The following MEF2A variants were observed in gnomAD, a reference collection of about 807,000 sequenced individuals.
MEF2A encodes myocyte enhancer factor 2A, also known as myocyte-specific enhancer factor 2A.
In MEF2A, 28 loss-of-function variants were observed where a neutral mutation model predicts 55.8. That is an observed-to-expected ratio of 0.50 (90% CI 0.37 to 0.69). The LOEUF (loss-of-function observed/expected upper bound fraction) is 0.69. Among genes scored for constraint, MEF2A ranks in the 30% least tolerant of loss-of-function variants. The pLI, the probability that MEF2A is intolerant of heterozygous loss-of-function variation, is 0.00. For missense variants in MEF2A, 528 were observed against 626.2 expected (o/e 0.84, Z 1.67); for synonymous variants, 239 against 227.1 (o/e 1.05, Z -0.47).
chr15:99,632,283 G>A (rs888216336), intron 2 of MEF2A, among the ~76,000 whole-genome samples: 7 of 152,288 alleles, frequency 4.6e-5, no homozygotes, highest in African/African-American at 1.2e-4. Context: ...GACTGATAAG[G>A]AGGTGTTCAT....
intron 8 of MEF2A, among the ~76,000 whole-genome samples, chr15:99,700,364 TA>T (rs2057239109): frequency 2.0e-5 from 3 of 150,810 alleles, no homozygotes; most frequent in Non-Finnish European, 4.4e-5. Flanking sequence ...ATACAAAAAT[TA>T]GTCGAGTGTG....
chr15:99,666,838 C>T (rs565421294), intron 4 of MEF2A, among the ~76,000 whole-genome samples: 2 of 152,070 alleles, frequency 1.3e-5, no homozygotes, highest in South Asian at 2.1e-4. Context: ...CATTTTAGAT[C>T]TTAATAGCTT....
chr15:99,604,496 A>C (rs1419177394), intron 2 of MEF2A, among the ~76,000 whole-genome samples: 1 of 151,078 alleles, frequency 6.6e-6, no homozygotes, highest in Non-Finnish European at 1.5e-5. Flanking sequence ...TATTCTCTTC[A>C]TGTTCTTATT....
intron 3 of MEF2A, among the ~76,000 whole-genome samples, chr15:99,644,350 A>T (rs1234623411): frequency 4.6e-5 from 7 of 152,256 alleles, no homozygotes; most frequent in Non-Finnish European, 1.0e-4. Flanking sequence ...TAGGAAATAG[A>T]CTGAAAAAAT....
intron 2 of MEF2A, among the ~76,000 whole-genome samples, chr15:99,601,586 A>G (rs1260932466): frequency 6.9e-6 from 1 of 144,894 alleles, no homozygotes; most frequent in Non-Finnish European, 1.5e-5. Flanking sequence ...ATCTATTAAT[A>G]TGGTCACCTA....
intron 7 of MEF2A, among the ~76,000 whole-genome samples, chr15:99,677,251 A>G (rs2052313738): frequency 6.6e-6 from 1 of 152,180 alleles, no homozygotes; most frequent in Non-Finnish European, 1.5e-5. Flanking sequence ...AAATAAACAA[A>G]CAATGGAATC....
At chr15:99,690,465 C>A in intron 8 of MEF2A, 37 bp downstream of exon 8, 1 of 1,533,314 alleles carries the variant, frequency 6.5e-7, no homozygotes, top group Non-Finnish European at 8.8e-7. Context: ...TTCTTTAAAA[C>A]ACATATTTTA....
chr15:99,670,584 T>C (rs1288095344), intron 4 of MEF2A, among the ~76,000 whole-genome samples: 2 of 151,806 alleles, frequency 1.3e-5, no homozygotes, highest in African/African-American at 2.4e-5. Flanking sequence ...CACTCCATCC[T>C]GGGCGACAGA....
rs879773468 is a variant in MEF2A, at chr15:99,716,133, T to C, written c.*3362T>C. 1.9e-5 allele frequency: 3 copies of C among 158,148 alleles called. No homozygotes were observed. Among genetic ancestry groups the C allele is most frequent in the Non-Finnish European group, 4.2e-5 (3 of 71,504 alleles). 9.8% of individuals were successfully genotyped at this position (158,148 alleles called of 1,614,324 possible). ...AACTTCTATTTCTCTGTAGAAACTT[T>C]CTTCACTTTGCTGTGCAAGAAGACA... On this transcript the variant is annotated 3_prime_UTR_variant, in exon 12 of 12. Coordinates refer to ENST00000557942, the MANE Select transcript of MEF2A (RefSeq NM_001319206.4).
intron 1 of MEF2A, among the ~76,000 whole-genome samples, chr15:99,578,766 A>G (rs1274904163): frequency 6.6e-6 from 1 of 152,252 alleles, no homozygotes; most frequent in Admixed American, 6.5e-5. Context: ...CGTGTGATCA[A>G]TGAAGTTAGA....
chr15:99,679,789 A>G (rs2052864081), intron 7 of MEF2A, among the ~76,000 whole-genome samples: 1 of 152,226 alleles, frequency 6.6e-6, no homozygotes, highest in South Asian at 2.1e-4. Flanking sequence ...TTTTGAAAAT[A>G]AAAGAATACA....
chr15:99,593,981 G>T (rs1970265633), intron 1 of MEF2A, among the ~76,000 whole-genome samples: 1 of 151,896 alleles, frequency 6.6e-6, no homozygotes, highest in Admixed American at 6.6e-5. Flanking sequence ...AGGATACGTT[G>T]CCTTCGGTCA....
intron 9 of MEF2A, among the ~76,000 whole-genome samples, chr15:99,703,794 A>G (rs968092723): frequency 2.0e-5 from 3 of 152,190 alleles, no homozygotes; most frequent in Non-Finnish European, 2.9e-5. Context: ...AAAAGATTAC[A>G]TCATTTTTGG....
intron 3 of MEF2A, among the ~76,000 whole-genome samples, chr15:99,638,419 A>G (rs1404556201): frequency 2.0e-5 from 3 of 152,136 alleles, no homozygotes; most frequent in East Asian, 3.9e-4. Flanking sequence ...CTGGGATTCT[A>G]GTTACATATA....
intron 7 of MEF2A, among the ~76,000 whole-genome samples, chr15:99,685,204 A>G (rs2053989526): frequency 6.6e-6 from 1 of 151,490 alleles, no homozygotes; most frequent in Non-Finnish European, 1.5e-5. Flanking sequence ...GAATTTTAGG[A>G]TTTTTTTCCC....
chr15:99,675,424 C>T lies in MEF2A; in HGVS notation c.636C>T (p.Leu212=), dbSNP rs999927943. The change falls in exon 7 of 12, where the codon CTC becomes CTT. Residue 212 remains leucine (L), a synonymous_variant. Transcript: ENST00000557942. Reference sequence around the variant, plus strand: ...GTGGGATGTTGAGCACTACAGACCTCACAGTGCCAAATGGAGCTGGAAGCA... The same window carrying T: ...GTGGGATGTTGAGCACTACAGACCTTACAGTGCCAAATGGAGCTGGAAGCA... The part of the protein sequence containing the change: ...NAGGMLSTTD[L]TVPNGAGSSP... 6.2e-7 allele frequency: 1 copy of T among 1,613,824 alleles called. No homozygotes were observed. Among genetic ancestry groups the T allele is most frequent in the Non-Finnish European group, 8.5e-7 (1 of 1,179,830 alleles).
At chr15:99,571,514 A>G (rs926512381) in intron 1 of MEF2A, among the ~76,000 whole-genome samples, 19 of 152,118 alleles carry the variant, frequency 1.2e-4, no homozygotes, top group African/African-American at 4.6e-4. Flanking sequence ...TTTGAGGCTC[A>G]TTTTCAGCCA....
chr15:99,671,448 A>T lies in MEF2A; in HGVS notation c.384A>T (p.Arg128=). Residue 128 remains arginine (R), a synonymous_variant, in exon 5 of 12, where the codon CGA becomes CGT. Coordinates refer to ENST00000557942, the MANE Select transcript of MEF2A (RefSeq NM_001319206.4). ...LNEDSDFIFK[R]GPPGLPPQNF... ...AAGATAGTGATTTTATTTTCAAACG[A>T]GGCCCTGTAAGTACTTTTACTTTAC... is the stretch of plus-strand genomic sequence containing the variant. 6.2e-7 allele frequency: 1 copy of T among 1,613,898 alleles called. No individual in the cohort carries two copies. The highest frequency in any genetic ancestry group is 1.7e-5 in the Admixed American group (1 of 60,028).
chr15:99,588,221 A>G (rs974973047), intron 1 of MEF2A, among the ~76,000 whole-genome samples: 6 of 151,848 alleles, frequency 4.0e-5, no homozygotes, highest in African/African-American at 7.3e-5. Context: ...GGCTCAAGCA[A>G]TCCTCCTGCC....
Sources: allele counts gnomAD v4.1 joint callset (sites outside exome capture counted in the v4.1 genomes callset), GRCh38; gene constraint gnomAD v4.1.1; transcripts MANE v1.5; gene names NCBI Gene and HGNC (gene_info 2026-07-23, HGNC 2026-07-21).